USP16: variants seen among roughly 807,000 people sequenced by gnomAD.
USP16 encodes the protein ubiquitin carboxyl-terminal hydrolase 16.
A neutral mutation model predicts 95.9 loss-of-function variants in USP16; 77 were observed. The ratio of observed to expected loss-of-function variants is 0.80; its 90% CI spans 0.67 to 0.97. The LOEUF (loss-of-function observed/expected upper bound fraction) is 0.97, where lower values mean the gene tolerates loss of function less well. USP16 is among the 50% of genes least tolerant of loss of function. The pLI is 0.00. For missense variants in USP16, 943 were observed against 959.9 expected (o/e 0.98, Z 0.23); for synonymous variants, 303 against 318.2 (o/e 0.95, Z 0.51).
rs183429237 is a variant in USP16, at chr21:29,031,112, C to A, written c.240+339C>A. On this transcript the variant is annotated intron_variant, in intron 3 of 17. Coordinates refer to ENST00000399976, the MANE Select transcript of USP16 (RefSeq NM_006447.3). ...AGACCAGTCATTGGATGTGGCCTGC[C>A]CCTAGAGCAGGAAGTAACCTTGGGC... 2.8e-4 allele frequency among the ~76,000 whole-genome samples: 42 copies of A among 152,250 alleles called. No individual in the cohort carries two copies. The East Asian group carries it at 6.9e-3, about 25-fold the overall frequency.
rs1028043996 is a variant in USP16 at position 29,036,997 on chromosome 21, C to T, written c.449-279C>T. Among the ~76,000 whole-genome samples the T allele has an allele frequency of 7.9e-5, 12 of 152,190 alleles. No individual in the cohort carries two copies. In the South Asian group the frequency reaches 8.3e-4, roughly 11 times the overall value. On this transcript the variant is annotated intron_variant, in intron 5 of 17. Transcript: ENST00000399976. ...GATGTGTTCATTTGTAAAGAATTTT[C>T]GTGCAGTAAAAAAGGGAGATTTATA...
chr21:29,034,408 G>A (rs539968775), intron 3 of USP16, among the ~76,000 whole-genome samples: 12 of 151,752 alleles, frequency 7.9e-5, no homozygotes, highest in Non-Finnish European at 1.8e-4. Context: ...CGCCTCCTGA[G>A]TTCAAGCAGT....
intron 16 of USP16, chr21:29,052,644 G>T (rs1044470118): frequency 6.6e-6 from 1 of 152,210 alleles, no homozygotes; most frequent in Non-Finnish European, 1.5e-5. Context: ...GAAGCCAAAA[G>T]TCTTCATAGG....
chr21:29,039,598 GATCTT>G (rs770732807), intron 9 of USP16, 30 bp downstream of exon 9: 1 of 1,590,612 alleles, frequency 6.3e-7, no homozygotes, highest in Non-Finnish European at 8.6e-7. Context: ...TGTATTTTAT[GATCTT>G]ATCTTCATAA....
At chr21:29,024,861 G>A in intron 1 of USP16, 84 bp downstream of exon 1, 4 of 1,203,510 alleles carry the variant, frequency 3.3e-6, no homozygotes, top group Non-Finnish European at 4.2e-6. Flanking sequence ...CCCCAACTTC[G>A]TTCTCTTCTT....
chr21:29,037,971 C>T (rs989449392), intron 6 of USP16, among the ~76,000 whole-genome samples: 2 of 152,214 alleles, frequency 1.3e-5, no homozygotes, highest in African/African-American at 4.8e-5. Flanking sequence ...AGAAATATTG[C>T]TGCTTCTTTC....
At chr21:29,036,001 A>C (rs1015754298) in intron 4 of USP16, among the ~76,000 whole-genome samples, 1 of 152,236 alleles carries the variant, frequency 6.6e-6, no homozygotes, top group Non-Finnish European at 1.5e-5. Flanking sequence ...TATGTAAACA[A>C]TCTTTTGACT....
intron 3 of USP16, among the ~76,000 whole-genome samples, chr21:29,033,743 C>T (rs1011798448): frequency 3.9e-5 from 6 of 152,072 alleles, no homozygotes; most frequent in Admixed American, 1.3e-4. Flanking sequence ...ATATCAATAA[C>T]GTTAGTACAA....
Position 29,042,017 on chromosome 21 carries a change from T to G in USP16, c.1035T>G (p.Tyr345Ter). Residue 345 changes from tyrosine (Y) to a stop codon, truncating the protein, a stop_gained, in exon 11 of 18, where the codon TAT becomes TAG. Coordinates refer to ENST00000399976, the MANE Select transcript of USP16 (RefSeq NM_006447.3). LOFTEE classifies it high-confidence loss of function. The part of the protein sequence containing the change: ...DEELKNKVKD[Y>*]EKKKSMPSFV... ...TAGACTTTTTTTTCTCCATAGATTA[T>G]GAGAAGAAAAAATCAATGCCAAGTT... 6.2e-7 allele frequency: 1 copy of G among 1,612,660 alleles called. No individual in the cohort carries two copies. The highest frequency in any genetic ancestry group is 8.5e-7 in the Non-Finnish European group (1 of 1,179,298).
chr21:29,044,835 TATTG>T (rs1377792887), intron 13 of USP16, among the ~76,000 whole-genome samples: 1 of 152,176 alleles, frequency 6.6e-6, no homozygotes, highest in Non-Finnish European at 1.5e-5. Flanking sequence ...ACCATTTCTC[TATTG>T]ATTTAGGTTG....
intron 15 of USP16, among the ~76,000 whole-genome samples, chr21:29,049,622 C>T (rs1248091035): frequency 1.3e-5 from 2 of 152,170 alleles, no homozygotes; most frequent in African/African-American, 2.4e-5. Context: ...TGCAATGACA[C>T]GATCATGGCT....
intron 14 of USP16, among the ~76,000 whole-genome samples, 195 bp from the exon 15 acceptor site, chr21:29,048,566 T>A (rs1332160123): frequency 2.0e-5 from 3 of 152,212 alleles, no homozygotes; most frequent in African/African-American, 7.2e-5. Flanking sequence ...GACATTTTAA[T>A]CTCATAAATA....
intron 11 of USP16, 45 bp downstream of exon 11, chr21:29,042,149 C>T (rs748297889): frequency 3.3e-6 from 5 of 1,508,450 alleles, no homozygotes; most frequent in Non-Finnish European, 4.6e-6. Context: ...TAATATTCAA[C>T]AGTTTATCAA....
chr21:29,027,905 A>G lies in USP16; in HGVS notation c.-9A>G, dbSNP rs1331260500. ...TTTTGTGTCAGTAAGTAATCCATAA[A>G]GTGCCAACATGGGAAAGAAACGGAC... On this transcript the variant is annotated 5_prime_UTR_variant, in exon 2 of 18. Transcript: ENST00000399976. 2 of 1,613,548 alleles carry G rather than the reference A, an allele frequency of 1.2e-6. No homozygotes were observed. The highest frequency in any genetic ancestry group is 1.7e-6 in the Non-Finnish European group (2 of 1,179,746).
chr21:29,038,421 G>A lies in USP16; in HGVS notation c.723G>A (p.Leu241=). 1.9e-6 allele frequency: 3 copies of A among 1,609,414 alleles called. No individual in the cohort carries two copies. The highest frequency in any genetic ancestry group is 8.5e-7 in the Non-Finnish European group (1 of 1,176,688). ...TTGTAAAAATTGAACCACCTGATTTGGCATTAACAGTATGTTCTTTAAACT... is the reference window on the plus strand; with the variant it reads ...TTGTAAAAATTGAACCACCTGATTTAGCATTAACAGTATGTTCTTTAAACT... ...GTIVKIEPPD[L]ALTEPLEINL... is the part of the protein sequence containing the mutation. Residue 241 remains leucine, a synonymous_variant, in exon 7 of 18, where the codon TTG becomes TTA. Transcript: ENST00000399976.
intron 10 of USP16, among the ~76,000 whole-genome samples, chr21:29,041,446 A>G (rs1198477343): frequency 6.6e-6 from 1 of 152,222 alleles, no homozygotes; most frequent in Non-Finnish European, 1.5e-5. Flanking sequence ...TATTAAACTT[A>G]TCAAGATTAT....
intron 5 of USP16, among the ~76,000 whole-genome samples, chr21:29,037,046 C>T (rs1340063850): frequency 6.6e-6 from 1 of 152,122 alleles, no homozygotes; most frequent in African/African-American, 2.4e-5. Context: ...TGTTTGGTTT[C>T]ATTTATCAAA....
chr21:29,045,787 C>T (rs1366939330), intron 13 of USP16, among the ~76,000 whole-genome samples: 5 of 152,026 alleles, frequency 3.3e-5, no homozygotes, highest in African/African-American at 1.2e-4. Context: ...ATGGTTTATT[C>T]CTGATTTCAT....
At position 29,040,281 on chromosome 21, in the gene USP16, C is replaced by T. The variant is rs2085224192; in HGVS notation, c.952-328C>T. Among the ~76,000 whole-genome samples the T allele has an allele frequency of 1.3e-5, 2 of 152,070 alleles. 1 individual carries two copies. The highest frequency in any genetic ancestry group is 4.1e-4 in the South Asian group (2 of 4,828). On this transcript the variant is annotated intron_variant, in intron 9 of 17. Transcript: ENST00000399976. ...TGGGCTTTAAGCACTGGAGTCAGAC[C>T]CTGTGGCTGTCATGTAATCATTGTG...
Sources: allele counts gnomAD v4.1 joint callset (sites outside exome capture counted in the v4.1 genomes callset), GRCh38; gene constraint gnomAD v4.1.1; transcripts MANE v1.5; gene names NCBI Gene and HGNC (gene_info 2026-07-23, HGNC 2026-07-21).